TMEM178A: variants seen among roughly 807,000 people sequenced by gnomAD.
The protein encoded by TMEM178A is transmembrane protein 178A, also known as transmembrane protein 178.
A neutral mutation model predicts 29.1 loss-of-function variants in TMEM178A; 12 were observed. The observed-to-expected ratio is 0.41, with a 90% confidence interval of 0.26 to 0.67. TMEM178A has a LOEUF of 0.67. Ranked by LOEUF, TMEM178A falls within the 30% of genes least tolerant of loss-of-function variation. The pLI is 0.29. For synonymous variants in TMEM178A, 210 were observed against 187.2 expected, an observed-to-expected ratio of 1.12 and a Z score of -0.99; for missense variants, 366 against 419.1, an observed-to-expected ratio of 0.87 and a Z score of 1.11.
intron 1 of TMEM178A, among the ~76,000 whole-genome samples, chr2:39,695,682 G>A (rs1270048318): frequency 2.0e-5 from 3 of 151,930 alleles, no homozygotes; most frequent in East Asian, 1.9e-4. Context: ...TGTAAGTGAA[G>A]TTGGAGGTAG....
chr2:39,666,093 A>G lies in TMEM178A; in HGVS notation c.119A>G (p.Lys40Arg). 6.4e-7 allele frequency: 1 copy of G among 1,567,332 alleles called. No individual in the cohort carries two copies. The highest frequency in any genetic ancestry group is 1.2e-5 in the South Asian group (1 of 86,214). ...TACGAGACCGACCCCCGGCGCCACA[A>G]GGAGAGCTGCGAGCGCAGCCGCGCG... ...HWYETDPRRH[K>R]ESCERSRAGA... The change falls in exon 1 of 4, where the codon AAG (lysine) becomes AGG (arginine). Residue 40 changes from lysine to arginine, a missense_variant. Lys to Arg is a conservative substitution (Grantham distance 26). Coordinates refer to ENST00000281961, the MANE Select transcript of TMEM178A (RefSeq NM_152390.3).
intron 1 of TMEM178A, among the ~76,000 whole-genome samples, chr2:39,696,821 A>G (rs1671565066): frequency 6.6e-6 from 1 of 152,202 alleles, no homozygotes; most frequent in Non-Finnish European, 1.5e-5. Context: ...ATACTTATGT[A>G]TCTTATTCTA....
intron 1 of TMEM178A, among the ~76,000 whole-genome samples, chr2:39,700,530 A>G (rs929098933): frequency 2.0e-5 from 3 of 152,000 alleles, no homozygotes; most frequent in African/African-American, 7.2e-5. Flanking sequence ...ATCTTTTTCC[A>G]TCCTTTAAAA....
chr2:39,716,776 T>C (rs915914263), intron 3 of TMEM178A, among the ~76,000 whole-genome samples: 7 of 152,296 alleles, frequency 4.6e-5, no homozygotes, highest in South Asian at 4.1e-4. Flanking sequence ...GTTATCAGAA[T>C]TTTCCTGTCT....
intron 1 of TMEM178A, among the ~76,000 whole-genome samples, chr2:39,700,711 T>G (rs1012224957): frequency 1.3e-4 from 20 of 151,958 alleles, no homozygotes; most frequent in African/African-American, 4.8e-4. Flanking sequence ...TTCTATTTGC[T>G]TTCTATATGC....
downstream of TMEM178A, among the ~76,000 whole-genome samples, chr2:39,718,936 T>C (rs1325957197): frequency 6.6e-6 from 1 of 152,232 alleles, no homozygotes; most frequent in Non-Finnish European, 1.5e-5. Context: ...TTCTTCTTTA[T>C]AAAAACTGAT....
In TMEM178A at chr2:39,717,168, G is replaced by T. The variant is rs1558468224; in HGVS notation, c.811G>T (p.Ala271Ser). The change falls in exon 4 of 4, where the codon GCT becomes TCT. Residue 271 changes from alanine (A) to serine (S), a missense_variant. Around this residue, in one of 2 missense-constraint regions of TMEM178A, gnomAD observed 119 missense variants for 172.2 expected, o/e 0.69. Transcript: ENST00000281961. ...AWCSLGFIVAAGGLCIAYPFI... is the reference protein window; with the variant it reads ...AWCSLGFIVASGGLCIAYPFI... ...GTGCAGTTTAGGCTTTATTGTGGCA[G>T]CTGGAGGTCTCTGCATCGCTTATCC... is the stretch of plus-strand genomic sequence containing the variant. The T allele has an allele frequency of 6.2e-7, 1 of 1,613,302 alleles. No individual in the cohort carries two copies. The highest frequency in any genetic ancestry group is 1.7e-5 in the Admixed American group (1 of 59,876).
In TMEM178A at chr2:39,712,970, G is replaced by A. The variant is rs144054849; in HGVS notation, c.653-4040G>A. Among the ~76,000 whole-genome samples, 9 of 152,292 alleles carry A rather than the reference G, an allele frequency of 5.9e-5. No individual in the cohort carries two copies. The East Asian group carries it at 1.3e-3, about 23-fold the overall frequency. ...TACTTGGGGTAATTTGTGATGAACC[G>A]ACTCTTAAGTTGGTAGAACTCAATG... is the stretch of plus-strand genomic sequence containing the variant. On this transcript the variant is annotated intron_variant, in intron 3 of 3. Coordinates refer to ENST00000281961, the MANE Select transcript of TMEM178A (RefSeq NM_152390.3).
chr2:39,682,885 T>A (rs564364773), intron 1 of TMEM178A, among the ~76,000 whole-genome samples: 2 of 152,202 alleles, frequency 1.3e-5, no homozygotes, highest in South Asian at 4.2e-4. Flanking sequence ...TGTGAGCAGA[T>A]CTCATTTGTG....
intron 1 of TMEM178A, among the ~76,000 whole-genome samples, chr2:39,703,673 A>G (rs1484569036): frequency 1.3e-5 from 2 of 152,180 alleles, no homozygotes; most frequent in African/African-American, 2.4e-5. Context: ...CTGGTTTCCA[A>G]ATAACACACT....
intron 1 of TMEM178A, among the ~76,000 whole-genome samples, chr2:39,695,829 T>G (rs1671516473): frequency 1.3e-5 from 2 of 152,102 alleles, no homozygotes; most frequent in African/African-American, 4.8e-5. Context: ...CTTCTGTTGG[T>G]CAGTGTGGAA....
chr2:39,666,363 T>C lies in TMEM178A; in HGVS notation c.389T>C (p.Leu130Pro). The change falls in exon 1 of 4, where the codon CTC becomes CCC. Residue 130 changes from leucine to proline, a missense_variant. Transcript: ENST00000281961. ...FLGIDRDIDT[L>P]ILKGIAQRCT... The stretch of plus-strand genomic sequence containing the variant: ...GGCATCGACCGGGACATCGACACCC[T>C]CATCCTGAAAGGTGAGCGGCGGGCG... 3 of 1,419,110 alleles carry C rather than the reference T, an allele frequency of 2.1e-6. No individual in the cohort carries two copies. Among genetic ancestry groups the C allele is most frequent in the South Asian group, 2.8e-5 (2 of 70,240 alleles). The allele number at this position is 1,419,110 out of a possible 1,614,324, so 87.9% of individuals were successfully genotyped here.
downstream of TMEM178A, among the ~76,000 whole-genome samples, chr2:39,721,099 C>G (rs1672694304): frequency 6.6e-6 from 1 of 152,212 alleles, no homozygotes; most frequent in African/African-American, 2.4e-5. Context: ...ATGCAAATAG[C>G]TATCCTGACG....
At chr2:39,723,076 A>G in the TMEM178A span, among the ~76,000 whole-genome samples, 3 of 152,222 alleles carry the variant, frequency 2.0e-5, no homozygotes, top group East Asian at 1.9e-4. Context: ...CCAGAACGCA[A>G]TCACAGTTCA....
At chr2:39,732,222 A>G in the TMEM178A span, among the ~76,000 whole-genome samples, 6 of 152,220 alleles carry the variant, frequency 3.9e-5, no homozygotes, top group South Asian at 1.2e-3. Flanking sequence ...GGCTGCAATT[A>G]AATTCCCACA....
chr2:39,703,316 A>G (rs1183231695), intron 1 of TMEM178A, among the ~76,000 whole-genome samples: 2 of 152,166 alleles, frequency 1.3e-5, no homozygotes, highest in South Asian at 2.1e-4. Flanking sequence ...AGCCTCTAGG[A>G]GAAGAGAATA....
At chr2:39,675,065 A>G (rs1283310352) in intron 1 of TMEM178A, among the ~76,000 whole-genome samples, 1 of 152,160 alleles carries the variant, frequency 6.6e-6, no homozygotes, top group Non-Finnish European at 1.5e-5. Flanking sequence ...CTCTCAAACC[A>G]TATTATCAGA....
the TMEM178A span, among the ~76,000 whole-genome samples, chr2:39,725,839 A>G: frequency 2.0e-5 from 3 of 152,186 alleles, no homozygotes; most frequent in Non-Finnish European, 4.4e-5. Flanking sequence ...CCACCGTGGC[A>G]AAATGGTTCT....
intron 2 of TMEM178A, among the ~76,000 whole-genome samples, chr2:39,704,804 G>A (rs1353586599): frequency 1.3e-5 from 2 of 152,100 alleles, no homozygotes; most frequent in Non-Finnish European, 2.9e-5. Context: ...TCCCCGAAAC[G>A]AAAAACTACT....
Sources: gnomAD v4.1 joint callset for allele counts (sites outside exome capture counted in the v4.1 genomes callset) on GRCh38, gnomAD v4.1.1 for gene constraint, gnomAD v4.1.1 regional missense constraint, MANE v1.5 for transcripts, NCBI Gene and HGNC (gene_info 2026-07-23, HGNC 2026-07-21) for gene names.